The following STK3 variants were observed in gnomAD, a reference collection of about 807,000 sequenced individuals.
STK3 encodes serine/threonine-protein kinase 3.
A neutral mutation model predicts 58.0 loss-of-function variants in STK3; 41 were observed. The observed-to-expected ratio is 0.71, with a 90% CI of 0.55 to 0.92. STK3 has a LOEUF of 0.92. Ranked by LOEUF, STK3 falls within the 40% of genes least tolerant of loss-of-function variation. STK3 has a pLI of 0.00. For missense variants in STK3, 479 were observed against 602.7 expected (o/e 0.79, Z 2.15); for synonymous variants, 170 against 191.0 (o/e 0.89, Z 0.91).
At chr8:98,477,717 TGGGCGGGGGGGG>T (rs1821480000) in intron 10 of STK3, among the ~76,000 whole-genome samples, 3 of 6,048 alleles carry the variant, frequency 5.0e-4, no homozygotes, top group African/African-American at 2.1e-3. Flanking sequence ...GGGGGGGGGG[TGGGCGGGGGGGG>T]GCCCTAATGA....
chr8:98,579,125 C>T (rs894568160), intron 8 of STK3, among the ~76,000 whole-genome samples: 1 of 151,668 alleles, frequency 6.6e-6, no homozygotes, highest in Non-Finnish European at 1.5e-5. Context: ...TACTCCCGCC[C>T]AGGTAACACA....
chr8:98,533,734 C>T (rs1809519751), intron 9 of STK3, among the ~76,000 whole-genome samples: 1 of 152,190 alleles, frequency 6.6e-6, no homozygotes, highest in African/African-American at 2.4e-5. Flanking sequence ...AAGCAATCCT[C>T]CCATTTTGGC....
intron 1 of STK3, among the ~76,000 whole-genome samples, chr8:98,797,397 A>T (rs1833246266): frequency 6.6e-6 from 1 of 152,126 alleles, no homozygotes; most frequent in Non-Finnish European, 1.5e-5. Flanking sequence ...ATGTGCAAGG[A>T]TTGGAAGACA....
intron 1 of STK3, among the ~76,000 whole-genome samples, chr8:98,893,500 GAAAGAAAGAA>G (rs1838323400): frequency 8.5e-6 from 1 of 117,212 alleles, no homozygotes; most frequent in African/African-American, 3.2e-5. Flanking sequence ...AAGAAAGAAA[GAAAGAAAGAA>G]AGAAAGAAAG....
At chr8:98,887,258 A>G (rs952141962) in intron 1 of STK3, among the ~76,000 whole-genome samples, 1 of 152,180 alleles carries the variant, frequency 6.6e-6, no homozygotes, top group African/African-American at 2.4e-5. Context: ...CCCCGAATCA[A>G]AATCTGAAAT....
At chr8:98,422,323 A>C (rs1818183239) in intron 3 of STK3, among the ~76,000 whole-genome samples, 1 of 151,396 alleles carries the variant, frequency 6.6e-6, no homozygotes, top group African/African-American at 2.4e-5. Flanking sequence ...CCCTCCCCCC[A>C]CTCCAACTTC....
At chr8:98,630,691 A>G (rs141362056) in intron 6 of STK3, among the ~76,000 whole-genome samples, 699 of 146,458 alleles carry the variant, frequency 4.8e-3, no homozygotes, top group African/African-American at 7.0e-3. Flanking sequence ...GGAGAAGGAG[A>G]AGAAGGAGGA....
At chr8:98,746,428 G>C (rs1242205542) in intron 4 of STK3, among the ~76,000 whole-genome samples, 1 of 151,930 alleles carries the variant, frequency 6.6e-6, no homozygotes, top group African/African-American at 2.4e-5. Context: ...CCTAGGCAGC[G>C]AAGTGAGACC....
chr8:98,741,755 C>A (rs1317412347), intron 4 of STK3, among the ~76,000 whole-genome samples: 1 of 152,074 alleles, frequency 6.6e-6, no homozygotes, highest in African/African-American at 2.4e-5. Flanking sequence ...CGAACCAGAA[C>A]TGAAGGAAAT....
At chr8:98,470,440 T>C (rs903190794) in intron 10 of STK3, among the ~76,000 whole-genome samples, 1 of 152,228 alleles carries the variant, frequency 6.6e-6, no homozygotes, top group Non-Finnish European at 1.5e-5. Context: ...CTTAATCATT[T>C]TCTTTTCACA....
chr8:98,398,820 G>A (rs1275221012), downstream of STK3, among the ~76,000 whole-genome samples: 2 of 152,186 alleles, frequency 1.3e-5, no homozygotes, highest in East Asian at 3.8e-4. Context: ...ACCGCCTAGG[G>A]TCAGAGATGC....
chr8:98,419,769 G>A (rs1586554562), intron 3 of STK3, among the ~76,000 whole-genome samples: 1 of 152,174 alleles, frequency 6.6e-6, no homozygotes, highest in Non-Finnish European at 1.5e-5. Context: ...CTATAATCTC[G>A]ACACCCTGTG....
downstream of STK3, among the ~76,000 whole-genome samples, chr8:98,453,207 G>A (rs1819285549): frequency 1.8e-5 from 2 of 113,192 alleles, 1 homozygote; most frequent in Non-Finnish European, 3.6e-5. Flanking sequence ...TCCTGCCTCA[G>A]CCTCCTGAGT....
chr8:98,486,099 G>A (rs1822232926), intron 10 of STK3, among the ~76,000 whole-genome samples: 1 of 152,178 alleles, frequency 6.6e-6, no homozygotes, highest in African/African-American at 2.4e-5. Context: ...CTAAAGATTT[G>A]AATTCTGGCT....
At chr8:98,404,632 A>G (rs1402283402) in intron 3 of STK3, among the ~76,000 whole-genome samples, 2 of 140,802 alleles carry the variant, frequency 1.4e-5, no homozygotes, top group African/African-American at 5.3e-5. Context: ...GTGAGCCGAG[A>G]TGGTGCCACT....
At chr8:98,923,853 G>A (rs1215142206) in intron 1 of STK3, among the ~76,000 whole-genome samples, 2 of 101,476 alleles carry the variant, frequency 2.0e-5, no homozygotes, top group African/African-American at 9.1e-5. Context: ...GTGTGTGTGT[G>A]TGCGCGCGCG....
intron 1 of STK3, among the ~76,000 whole-genome samples, chr8:98,917,543 A>C (rs995098684): frequency 6.6e-6 from 1 of 152,168 alleles, no homozygotes; most frequent in Non-Finnish European, 1.5e-5. Context: ...ACACTTTTAA[A>C]AGAAACCTCA....
At chr8:98,432,106 TC>T (rs751173508) in intron 3 of STK3, 3 of 166,858 alleles carry the variant, frequency 1.8e-5, no homozygotes, top group African/African-American at 4.8e-5. Flanking sequence ...CTCCACTGGG[TC>T]TTTGATCGAC....
intron 1 of STK3, chr8:98,905,312 G>C: frequency 3.5e-6 from 3 of 846,704 alleles, no homozygotes; most frequent in Non-Finnish European, 6.2e-6. Context: ...ACCACTCCAT[G>C]TGTATGAAGT....
Sources: gnomAD v4.1 joint callset for allele counts (sites outside exome capture counted in the v4.1 genomes callset) on GRCh38, gnomAD v4.1.1 for gene constraint, MANE v1.5 for transcripts, NCBI Gene and HGNC (gene_info 2026-07-23, HGNC 2026-07-21) for gene names.